The following DNAH14 variants were observed in gnomAD, a reference collection of about 807,000 sequenced individuals.
DNAH14 encodes axonemal beta dynein heavy chain 14.
Under a neutral mutation model 520.9 loss-of-function variants are expected in DNAH14, and 478 were observed. The ratio of observed to expected loss-of-function variants is 0.92; its 90% CI spans 0.85 to 0.99. The LOEUF (loss-of-function observed/expected upper bound fraction) is 0.99. DNAH14 is among the 50% of genes least tolerant of loss of function. The probability of loss-of-function intolerance (pLI) is 0.00; values close to 1 mark genes in which losing one functional copy is unlikely to be tolerated. For missense variants in DNAH14, 4,831 were observed against 5,234.5 expected (o/e 0.92, Z 2.38); for synonymous variants, 1,581 against 1,757.2 (o/e 0.90, Z 2.51).
At chr1:225,159,559 A>T (rs1027063670) in intron 35 of DNAH14, 74 bp downstream of exon 35, 2 of 1,326,466 alleles carry the variant, frequency 1.5e-6, no homozygotes, top group African/African-American at 3.0e-5. Flanking sequence ...ATGTGGATTA[A>T]AAATATTACA....
chr1:225,201,059 T>C (rs2086761051), intron 38 of DNAH14, among the ~76,000 whole-genome samples: 1 of 151,646 alleles, frequency 6.6e-6, no homozygotes, highest in South Asian at 2.1e-4. Context: ...ATTTTCTTCT[T>C]ATTATTATTA....
At chr1:224,954,791 A>T (rs1203877275) in intron 2 of DNAH14, among the ~76,000 whole-genome samples, 168 bp from the exon 3 acceptor site, 2 of 152,174 alleles carry the variant, frequency 1.3e-5, no homozygotes, top group African/African-American at 2.4e-5. Flanking sequence ...ATTGTTCAGA[A>T]TAAATATTTA....
chr1:225,111,168 T>G (rs2076447682), intron 23 of DNAH14, among the ~76,000 whole-genome samples: 1 of 152,136 alleles, frequency 6.6e-6, no homozygotes, highest in Non-Finnish European at 1.5e-5. Flanking sequence ...CAATGTTTCT[T>G]TGTTGATTTT....
chr1:225,077,219 T>C (rs2072405130), intron 17 of DNAH14, among the ~76,000 whole-genome samples: 1 of 152,214 alleles, frequency 6.6e-6, no homozygotes, highest in South Asian at 2.1e-4. Context: ...GGAGTTATAT[T>C]AATTGACTTT....
chr1:225,237,337 C>T (rs1394345974), intron 42 of DNAH14, among the ~76,000 whole-genome samples: 1 of 151,972 alleles, frequency 6.6e-6, no homozygotes, highest in Non-Finnish European at 1.5e-5. Context: ...TCAGCATTTG[C>T]TTGTCTGAAA....
At position 225,085,566 on chromosome 1, in the gene DNAH14, T is replaced by C; in HGVS notation, c.3350T>C (p.Ile1117Thr). ...TAGATGTTTCAGTATGAAAATGAAA[T>C]AAATGATATGTCAACCTCAGCAACT... ...ALKMFQYENEINDMSTSATNE... is the reference protein window; with the variant it reads ...ALKMFQYENETNDMSTSATNE... Residue 1117 changes from isoleucine to threonine, a missense_variant, in exon 21 of 86, where the codon ATA (isoleucine) becomes ACA (threonine). Coordinates refer to ENST00000682510, the MANE Select transcript of DNAH14 (RefSeq NM_001367479.1). 2 of 1,546,746 alleles carry C rather than the reference T, an allele frequency of 1.3e-6. No homozygotes were observed. Among genetic ancestry groups the C allele is most frequent in the Non-Finnish European group, 8.7e-7 (1 of 1,142,960 alleles).
rs749317368 is a variant in DNAH14 at position 224,967,412 on chromosome 1, ATT to A, written c.499-10_499-9del. The A allele has an allele frequency of 1.1e-5, 15 of 1,342,248 alleles. No individual in the cohort carries two copies. Among genetic ancestry groups the A allele is most frequent in the South Asian group, 3.1e-5 (2 of 64,454 alleles). The allele number at this position is 1,342,248 out of a possible 1,614,324, so 83.1% of individuals were successfully genotyped here. A position where few individuals can be genotyped will look rare whatever the true frequency, so the allele number is the denominator to read the frequency against. On this transcript the variant is annotated splice_polypyrimidine_tract_variant and intron_variant, in intron 5 of 85. Coordinates refer to ENST00000682510, the MANE Select transcript of DNAH14 (RefSeq NM_001367479.1). ...GTCAAATTAATTAAATTTGTTTATT[ATT>A]TTTTTTTTAATCTCAGAAACCTTTG...
At chr1:225,302,956 T>A (rs1485067705) in intron 56 of DNAH14, among the ~76,000 whole-genome samples, 200 bp from the exon 57 acceptor site, 1 of 152,168 alleles carries the variant, frequency 6.6e-6, no homozygotes, top group East Asian at 1.9e-4. Context: ...CAAGGGGTGT[T>A]CTGGGTCCAG....
intron 75 of DNAH14, 27 bp from the exon 76 acceptor site, chr1:225,364,765 A>T (rs1350000775): frequency 2.3e-5 from 34 of 1,461,828 alleles, no homozygotes; most frequent in Non-Finnish European, 2.9e-5. Context: ...TTCACATTAA[A>T]ATATTTATAA....
chr1:225,170,459 G>C (rs1392128004), intron 36 of DNAH14, among the ~76,000 whole-genome samples: 4 of 152,016 alleles, frequency 2.6e-5, no homozygotes, highest in Admixed American at 6.6e-5. Context: ...AAAAGGCAGG[G>C]GTTGGAATCC....
intron 23 of DNAH14, among the ~76,000 whole-genome samples, chr1:225,116,629 A>G (rs16843950): frequency 0.069 from 10,513 of 152,278 alleles, 581 homozygotes; most frequent in East Asian, 0.24. Context: ...GTCTGTATCA[A>G]ATAGCTCAAG....
At chr1:224,995,001 A>G (rs1003190325) in intron 8 of DNAH14, among the ~76,000 whole-genome samples, 11 of 152,238 alleles carry the variant, frequency 7.2e-5, no homozygotes, top group South Asian at 4.1e-4. Context: ...TCATTTCGTA[A>G]TATGTATCCA....
At chr1:225,343,929 G>A (rs181536698) in intron 69 of DNAH14, among the ~76,000 whole-genome samples, 137 of 152,228 alleles carry the variant, frequency 9.0e-4, no homozygotes, top group Non-Finnish European at 1.1e-3. Context: ...CTTATAACAA[G>A]TCATATTTTG....
intron 17 of DNAH14, among the ~76,000 whole-genome samples, chr1:225,066,518 A>C (rs1442646159): frequency 1.3e-5 from 2 of 151,732 alleles, no homozygotes; most frequent in African/African-American, 4.8e-5. Context: ...TTATTTCGAT[A>C]GTTTTGGGGG....
At chr1:225,108,673 C>CAGAA in intron 23 of DNAH14, among the ~76,000 whole-genome samples, 1 of 152,208 alleles carries the variant, frequency 6.6e-6, no homozygotes, top group South Asian at 2.1e-4. Context: ...GTTGTCTCTT[C>CAGAA]ATTATTTTGT....
intron 1 of DNAH14, among the ~76,000 whole-genome samples, chr1:224,940,768 G>T (rs1447260270): frequency 6.6e-6 from 1 of 150,964 alleles, no homozygotes; most frequent in Non-Finnish European, 1.5e-5. Flanking sequence ...GAGAACATGT[G>T]TTTAGTTTTT....
In DNAH14 at chr1:225,044,044, T is replaced by G. The variant is rs2067719717; in HGVS notation, c.1912+61T>G. 4.9e-6 allele frequency: 5 copies of G among 1,012,864 alleles called. No homozygotes were observed. In the South Asian group the frequency reaches 8.1e-5, roughly 16 times the overall value. The allele number at this position is 1,012,864 out of a possible 1,614,324, so 62.7% of individuals were successfully genotyped here. The stretch of plus-strand genomic sequence containing the variant: ...TTCTTTGGCAATATTTTTTTAAATT[T>G]AAGCATCTGATGCCTTTACCCAGGG... On this transcript the variant is annotated intron_variant, in intron 15 of 85. Transcript: ENST00000682510.
chr1:225,262,190 G>GTT (rs56744969), intron 46 of DNAH14, among the ~76,000 whole-genome samples: 4 of 148,006 alleles, frequency 2.7e-5, no homozygotes, highest in African/African-American at 7.4e-5. Context: ...CTTTTAATGG[G>GTT]TTTTTTTTTT....
intron 2 of DNAH14, 58 bp downstream of exon 2, chr1:224,952,837 T>TG: frequency 7.8e-7 from 1 of 1,277,076 alleles, no homozygotes; most frequent in South Asian, 1.4e-5. Context: ...CAGCAGTGTA[T>TG]GGCTGGTGGT....
Sources: gnomAD v4.1 joint callset for allele counts (sites outside exome capture counted in the v4.1 genomes callset) on GRCh38, gnomAD v4.1.1 for gene constraint, MANE v1.5 for transcripts, NCBI Gene and HGNC (gene_info 2026-07-23, HGNC 2026-07-21) for gene names.